The following TMEM178A variants were observed in gnomAD, a reference collection of about 807,000 sequenced individuals.
The protein encoded by TMEM178A is transmembrane protein 178.
In TMEM178A, 12 loss-of-function variants were observed where a neutral mutation model predicts 29.1. The observed-to-expected ratio is 0.41, with a 90% CI of 0.26 to 0.67. The LOEUF is 0.67. Among genes scored for constraint, TMEM178A ranks in the 30% least tolerant of loss-of-function variants. The pLI is 0.29. For missense variants in TMEM178A, 366 were observed against 419.1 expected, an observed-to-expected ratio of 0.87 and a Z score of 1.11; for synonymous variants, 210 against 187.2, an observed-to-expected ratio of 1.12 and a Z score of -0.99.
chr2:39,714,139 T>G (rs1301227039), intron 3 of TMEM178A, among the ~76,000 whole-genome samples: 1 of 152,168 alleles, frequency 6.6e-6, no homozygotes, highest in Non-Finnish European at 1.5e-5. Context: ...CTGCCCTGCT[T>G]TCCTCTTACT....
At chr2:39,693,153 A>G (rs1671395014) in intron 1 of TMEM178A, among the ~76,000 whole-genome samples, 1 of 152,168 alleles carries the variant, frequency 6.6e-6, no homozygotes, top group Non-Finnish European at 1.5e-5. Flanking sequence ...ACAAAAAACA[A>G]CAACAACAAA....
intron 1 of TMEM178A, among the ~76,000 whole-genome samples, chr2:39,673,667 C>A (rs939545050): frequency 1.3e-5 from 2 of 152,170 alleles, no homozygotes; most frequent in Non-Finnish European, 2.9e-5. Context: ...CAAATGCAAA[C>A]CCACACCATG....
downstream of TMEM178A, among the ~76,000 whole-genome samples, chr2:39,721,147 C>T (rs1399096428): frequency 6.6e-6 from 1 of 152,214 alleles, no homozygotes; most frequent in Non-Finnish European, 1.5e-5. Context: ...TTCTCTGGGG[C>T]CTTGCCCTTT....
In TMEM178A at chr2:39,688,942, A is replaced by G. The variant is rs1031186889; in HGVS notation, c.401-15139A>G. The stretch of plus-strand genomic sequence containing the variant: ...CCCATCTAGTAAAGGGGACATGAGA[A>G]CATTGTTCACGGTATCAAATATGTT... On this transcript the variant is annotated intron_variant, in intron 1 of 3. Coordinates refer to ENST00000281961, the MANE Select transcript of TMEM178A (RefSeq NM_152390.3). 2.2e-4 allele frequency among the ~76,000 whole-genome samples: 33 copies of G among 152,232 alleles called. 1 individual carries two copies. Among genetic ancestry groups the G allele is most frequent in the African/African-American group, 7.2e-4 (30 of 41,460 alleles).
chr2:39,669,169 A>G (rs1255678787), intron 1 of TMEM178A, among the ~76,000 whole-genome samples: 2 of 152,192 alleles, frequency 1.3e-5, no homozygotes, highest in Non-Finnish European at 1.5e-5. Flanking sequence ...AAAGGGCTCA[A>G]GAACTGTCTG....
chr2:39,735,439 G>A, the TMEM178A span, among the ~76,000 whole-genome samples: 1 of 152,164 alleles, frequency 6.6e-6, no homozygotes, highest in Non-Finnish European at 1.5e-5. Flanking sequence ...CATAGGGCTC[G>A]TATTCCTCAG....
downstream of TMEM178A, among the ~76,000 whole-genome samples, chr2:39,721,886 C>T (rs1229465942): frequency 4.1e-5 from 6 of 145,448 alleles, no homozygotes; most frequent in Admixed American, 2.1e-4. Context: ...AGCTACTCGG[C>T]AGGCTGGGGC....
chr2:39,688,071 A>G (rs1460975824), intron 1 of TMEM178A, among the ~76,000 whole-genome samples: 1 of 152,230 alleles, frequency 6.6e-6, no homozygotes, highest in Non-Finnish European at 1.5e-5. Context: ...CATATAGCAT[A>G]CTTTTAGTAA....
intron 1 of TMEM178A, among the ~76,000 whole-genome samples, chr2:39,686,702 G>C (rs1292454002): frequency 6.6e-6 from 1 of 150,942 alleles, no homozygotes; most frequent in Non-Finnish European, 1.5e-5. Flanking sequence ...GGGCGGAGCT[G>C]TAAATGACAG....
At chr2:39,730,344 A>C in the TMEM178A span, among the ~76,000 whole-genome samples, 1 of 152,168 alleles carries the variant, frequency 6.6e-6, no homozygotes, top group East Asian at 1.9e-4. Context: ...GACTACATTC[A>C]AGCTCAGATT....
intron 1 of TMEM178A, among the ~76,000 whole-genome samples, chr2:39,677,770 C>T (rs1558444892): frequency 6.6e-6 from 1 of 152,008 alleles, no homozygotes; most frequent in African/African-American, 2.4e-5. Flanking sequence ...CACCGAGAGA[C>T]CTATTTATTA....
At chr2:39,671,047 TC>T (rs949840862) in intron 1 of TMEM178A, among the ~76,000 whole-genome samples, 3 of 152,220 alleles carry the variant, frequency 2.0e-5, no homozygotes, top group Non-Finnish European at 2.9e-5. Flanking sequence ...CCTGTATAAA[TC>T]AACTGGGTTT....
At chr2:39,728,674 C>T in the TMEM178A span, among the ~76,000 whole-genome samples, 2 of 151,898 alleles carry the variant, frequency 1.3e-5, no homozygotes, top group Non-Finnish European at 2.9e-5. Context: ...AGTACTGCTA[C>T]CTCTTACGAT....
the TMEM178A span, among the ~76,000 whole-genome samples, chr2:39,732,955 T>C: frequency 6.6e-6 from 1 of 152,200 alleles, no homozygotes; most frequent in Non-Finnish European, 1.5e-5. Flanking sequence ...TACAAATATA[T>C]GGTATTGCCT....
chr2:39,679,749 T>C (rs534758352), intron 1 of TMEM178A, among the ~76,000 whole-genome samples: 11 of 152,300 alleles, frequency 7.2e-5, no homozygotes, highest in African/African-American at 1.9e-4. Context: ...GTTTATTAAA[T>C]ATTCTTTTTC....
chr2:39,686,303 G>T (rs1671073671), intron 1 of TMEM178A, among the ~76,000 whole-genome samples: 1 of 152,190 alleles, frequency 6.6e-6, no homozygotes, highest in African/African-American at 2.4e-5. Flanking sequence ...CCAGCCCCAG[G>T]CTTGGAATAT....
At chr2:39,715,342 C>G (rs1429122350) in intron 3 of TMEM178A, among the ~76,000 whole-genome samples, 4 of 152,136 alleles carry the variant, frequency 2.6e-5, no homozygotes. Flanking sequence ...GCCTATTGTT[C>G]TATTACCAGC....
intron 1 of TMEM178A, among the ~76,000 whole-genome samples, chr2:39,701,074 G>GA (rs144866792): frequency 0.022 from 3,380 of 151,914 alleles, 115 homozygotes; most frequent in African/African-American, 0.076. Context: ...TCAGATAGGA[G>GA]AAAAAAAGAG....
At chr2:39,682,220 A>G (rs1473626988) in intron 1 of TMEM178A, among the ~76,000 whole-genome samples, 2 of 152,212 alleles carry the variant, frequency 1.3e-5, no homozygotes, top group African/African-American at 4.8e-5. Context: ...TCAGTGCATT[A>G]TGCACATGTC....
Sources: gnomAD v4.1 joint callset for allele counts (sites outside exome capture counted in the v4.1 genomes callset) on GRCh38, gnomAD v4.1.1 for gene constraint, MANE v1.5 for transcripts, NCBI Gene and HGNC (gene_info 2026-07-23, HGNC 2026-07-21) for gene names.